FGD6: variants seen among roughly 807,000 people sequenced by gnomAD.
FGD6 encodes FYVE, RhoGEF and PH domain-containing protein 6.
FGD6 carries 90 observed loss-of-function variants against 149.4 expected under a neutral mutation model. The observed-to-expected ratio is 0.60, with a 90% CI of 0.51 to 0.72. The LOEUF is 0.72. Ranked by LOEUF, FGD6 falls within the 30% of genes least tolerant of loss-of-function variation. The probability of loss-of-function intolerance (pLI) is 0.00; values close to 1 mark genes in which losing one functional copy is unlikely to be tolerated. For missense variants in FGD6, 1,437 were observed against 1,684.8 expected, an observed-to-expected ratio of 0.85 and a Z score of 2.57; for synonymous variants, 527 against 584.0, an observed-to-expected ratio of 0.90 and a Z score of 1.41.
At chr12:95,206,153 C>A (rs972624838) in intron 2 of FGD6, among the ~76,000 whole-genome samples, 1 of 151,934 alleles carries the variant, frequency 6.6e-6, no homozygotes, top group Non-Finnish European at 1.5e-5. Flanking sequence ...TGATGGCCAA[C>A]AGAAAACACA....
At chr12:95,136,294 G>C (rs370722846) in intron 7 of FGD6, among the ~76,000 whole-genome samples, 4 of 151,478 alleles carry the variant, frequency 2.6e-5, no homozygotes, top group East Asian at 3.9e-4. Context: ...GGAGGCAGAG[G>C]TTGCAGTGAG....
chr12:95,175,923 G>A (rs1370716551), intron 2 of FGD6, among the ~76,000 whole-genome samples: 3 of 152,006 alleles, frequency 2.0e-5, no homozygotes, highest in African/African-American at 4.8e-5. Flanking sequence ...GCAGAATGAG[G>A]GTGACATGAA....
At chr12:95,107,171 G>A in intron 12 of FGD6, 134 bp from the exon 13 acceptor site, 3 of 653,620 alleles carry the variant, frequency 4.6e-6, no homozygotes, top group Non-Finnish European at 7.9e-6. Context: ...CTTATATTCT[G>A]CTATATACAC....
At chr12:95,117,936 G>A (rs183150268) in intron 8 of FGD6, among the ~76,000 whole-genome samples, 1 of 152,316 alleles carries the variant, frequency 6.6e-6, no homozygotes, top group African/African-American at 2.4e-5. Flanking sequence ...AGCTACTCAG[G>A]AGGCTGAGGC....
intron 1 of FGD6, among the ~76,000 whole-genome samples, chr12:95,215,454 T>C (rs915724514): frequency 1.3e-5 from 2 of 152,192 alleles, no homozygotes; most frequent in South Asian, 2.1e-4. Flanking sequence ...TGTATACATA[T>C]AAGAATGGGT....
chr12:95,106,447 G>GT (rs540286027), intron 13 of FGD6, among the ~76,000 whole-genome samples: 15,037 of 138,962 alleles, frequency 0.11, 1,071 homozygotes, highest in African/African-American at 0.21. Flanking sequence ...ATTTTTGTTT[G>GT]TTTTTTTTTT....
intron 3 of FGD6, among the ~76,000 whole-genome samples, chr12:95,160,699 T>G (rs1394155275): frequency 2.0e-5 from 3 of 152,162 alleles, no homozygotes; most frequent in Non-Finnish European, 4.4e-5. Flanking sequence ...TTAATATAAA[T>G]TACTGACAAA....
At chr12:95,112,771 T>C (rs6538594) in intron 9 of FGD6, among the ~76,000 whole-genome samples, 95,775 of 152,000 alleles carry the variant, frequency 0.63, 30,433 homozygotes, top group East Asian at 0.68. Flanking sequence ...GGAACTCCAA[T>C]TATCCCACTA....
intron 3 of FGD6, among the ~76,000 whole-genome samples, chr12:95,154,933 GA>G (rs11315550): frequency 0.47 from 71,538 of 151,766 alleles, 17,183 homozygotes; most frequent in Middle Eastern, 0.62. Flanking sequence ...CTTCATTTGG[GA>G]AAATTTTTTT....
intron 2 of FGD6, chr12:95,189,138 C>T (rs905077339): frequency 3.0e-4 from 46 of 152,338 alleles, no homozygotes; most frequent in African/African-American, 1.0e-3. Context: ...TACACCCCCA[C>T]ACCCGTGTTC....
At chr12:95,135,133 A>C (rs1460251986) in intron 7 of FGD6, among the ~76,000 whole-genome samples, 9 of 152,170 alleles carry the variant, frequency 5.9e-5, no homozygotes, top group Admixed American at 2.0e-4. Flanking sequence ...GTTAGAGCCC[A>C]CCCTACTCAG....
chr12:95,191,019 A>G (rs988428023), intron 2 of FGD6, among the ~76,000 whole-genome samples: 1 of 152,222 alleles, frequency 6.6e-6, no homozygotes, highest in Admixed American at 6.5e-5. Context: ...TTTCAGTCTT[A>G]CTACATGTAA....
intron 8 of FGD6, among the ~76,000 whole-genome samples, chr12:95,117,567 C>T (rs1879057160): frequency 6.6e-6 from 1 of 152,136 alleles, no homozygotes; most frequent in South Asian, 2.1e-4. Context: ...GCTAGGACAA[C>T]AGACCTGTAC....
intron 8 of FGD6, among the ~76,000 whole-genome samples, chr12:95,133,516 T>C (rs1228541261): frequency 6.6e-6 from 1 of 152,168 alleles, no homozygotes; most frequent in African/African-American, 2.4e-5. Flanking sequence ...TCACCTATTA[T>C]CTCCAATATA....
At chr12:95,149,572 TC>T (rs35140183) in intron 5 of FGD6, among the ~76,000 whole-genome samples, 1 of 140,314 alleles carries the variant, frequency 7.1e-6, no homozygotes, top group African/African-American at 2.6e-5. Context: ...TGTATAAGAA[TC>T]CCTTGAGCCT....
intron 14 of FGD6, chr12:95,100,727 C>A: frequency 1.9e-6 from 1 of 523,960 alleles, no homozygotes; most frequent in Non-Finnish European, 3.8e-6. Flanking sequence ...ACAGACAGTG[C>A]TGAGGACCAT....
intron 2 of FGD6, among the ~76,000 whole-genome samples, chr12:95,190,326 C>A (rs905864620): frequency 6.6e-6 from 1 of 152,082 alleles, no homozygotes; most frequent in Admixed American, 6.6e-5. Flanking sequence ...GCCACCACTG[C>A]GCCCGGCTAC....
At position 95,209,973 on chromosome 12, in the gene FGD6, C is replaced by A. The variant is rs375870602; in HGVS notation, c.1311G>T (p.Ser437=). 1.9e-6 allele frequency: 3 copies of A among 1,611,984 alleles called. No individual in the cohort carries two copies. Among genetic ancestry groups the A allele is most frequent in the Admixed American group, 3.4e-5 (2 of 59,596 alleles). Reference sequence around the variant, plus strand: ...AACCGGTCCCTTCGTCCACAGCAAGCGACATACTAGAACCATCTACAGTTG... The same window carrying A: ...AACCGGTCCCTTCGTCCACAGCAAGAGACATACTAGAACCATCTACAGTTG... ...DSTTVDGSSM[S]LAVDEGTGFI... Residue 437 remains serine (S), a synonymous_variant, in exon 2 of 21, where the codon TCG becomes TCT. Coordinates refer to ENST00000343958, the MANE Select transcript of FGD6 (RefSeq NM_018351.4).
chr12:95,086,844 CT>C (rs35618842), intron 18 of FGD6, among the ~76,000 whole-genome samples: 218 of 92,900 alleles, frequency 2.3e-3, no homozygotes, highest in African/African-American at 7.0e-3. Context: ...CCACACCGGC[CT>C]TTTTTTTTTT....
Sources: allele counts gnomAD v4.1 joint callset (sites outside exome capture counted in the v4.1 genomes callset), GRCh38; gene constraint gnomAD v4.1.1; transcripts MANE v1.5; gene names NCBI Gene and HGNC (gene_info 2026-07-23, HGNC 2026-07-21).